CAPN12: variants seen among roughly 807,000 people sequenced by gnomAD.
CAPN12 encodes the protein calpain-12.
Under a neutral mutation model 95.0 loss-of-function variants are expected in CAPN12, and 107 were observed. The ratio of observed to expected loss-of-function variants is 1.13; its 90% CI spans 0.96 to 1.32. The LOEUF is 1.32. Among genes scored for constraint, CAPN12 ranks in the 40% most tolerant of loss-of-function variants. CAPN12 has a pLI of 0.00. For missense variants in CAPN12, 1,136 were observed against 997.8 expected (o/e 1.14, Z -1.87); for synonymous variants, 505 against 415.5 (o/e 1.22, Z -2.62).
chr19:38,736,830 C>T (rs1374745232), intron 10 of CAPN12: 15 of 589,718 alleles, frequency 2.5e-5, no homozygotes, highest in South Asian at 1.7e-4. Context: ...TGTCCCTAAC[C>T]TCGTCCCTCT....
chr19:38,734,193 G>T lies in CAPN12; in HGVS notation c.1827C>A (p.Ser609Arg). The T allele has an allele frequency of 6.2e-7, 1 of 1,613,000 alleles. No homozygotes were observed. Among genetic ancestry groups the T allele is most frequent in the Non-Finnish European group, 8.5e-7 (1 of 1,179,906 alleles). The change falls in exon 17 of 21, where the codon AGC (serine) becomes AGA (arginine). Residue 609 changes from serine to arginine, a missense_variant. Coordinates refer to ENST00000328867, the MANE Select transcript of CAPN12 (RefSeq NM_144691.4). ...QLLQCFGHGQSLALHHFQQLW... is the reference protein window; with the variant it reads ...QLLQCFGHGQRLALHHFQQLW... ...GCTGCTGGAAGTGGTGTAAGGCCAGGCTTTGCCCATGCTGTGTTGGGGGTC... is the reference window on the plus strand; with the variant it reads ...GCTGCTGGAAGTGGTGTAAGGCCAGTCTTTGCCCATGCTGTGTTGGGGGTC...
rs746027874 is a variant in CAPN12, at chr19:38,734,251, AGGG to A, written c.1816-50_1816-48del. ...TCTGGTTAAGGTCAATCTCTCCAGAAGGGGAGGAGAGACCCCAACGTCCCCTTC... is the reference window on the plus strand; with the variant it reads ...TCTGGTTAAGGTCAATCTCTCCAGAAGAGGAGAGACCCCAACGTCCCCTTC... On this transcript the variant is annotated intron_variant, in intron 16 of 20. Transcript: ENST00000328867. The A allele has an allele frequency of 1.9e-6, 3 of 1,608,592 alleles. No homozygotes were observed. In the Admixed American group the frequency reaches 5.0e-5, roughly 27 times the overall value.
rs756930163 is a variant in CAPN12 at position 38,733,784 on chromosome 19, G to A, written c.1879-3C>T. The A allele has an allele frequency of 1.1e-4, 173 of 1,612,412 alleles. No individual in the cohort carries two copies. Among genetic ancestry groups the A allele is most frequent in the Middle Eastern group, 1.7e-4 (1 of 6,058 alleles). On this transcript the variant is annotated splice_polypyrimidine_tract_variant and splice_region_variant and intron_variant, in intron 17 of 20. Coordinates refer to ENST00000328867, the MANE Select transcript of CAPN12 (RefSeq NM_144691.4). ...TCATCGAACTTGTTAAATATGGCCT[G>A]GGCAGGAAGGATGAGTCAGGGCTGC...
In CAPN12 at chr19:38,730,659, C is replaced by CTGT; in HGVS notation, c.*190_*192dup. On this transcript the variant is annotated 3_prime_UTR_variant, in exon 21 of 21. Transcript: ENST00000328867. ...GCTCGTGTCATCTGCTCGAGAAGGG[C>CTGT]TGTCGCTGTTCTTGTTTCTGAGTGA... 1 of 653,860 alleles carries CTGT rather than the reference C, an allele frequency of 1.5e-6. No homozygotes were observed. The highest frequency in any genetic ancestry group is 2.7e-6 in the Non-Finnish European group (1 of 372,976). The allele number at this position is 653,860 out of a possible 1,614,324, so 40.5% of individuals were successfully genotyped here.
chr19:38,743,778 C>T (rs1970727988), intron 1 of CAPN12, 151 bp downstream of exon 1: 1 of 717,564 alleles, frequency 1.4e-6, no homozygotes, highest in Admixed American at 2.8e-5. Context: ...CCAGCCCCTC[C>T]TCCCTCAGAC....
intron 5 of CAPN12, 61 bp downstream of exon 5, chr19:38,739,990 C>A (rs774038368): frequency 4.9e-5 from 72 of 1,467,066 alleles, no homozygotes; most frequent in Non-Finnish European, 5.7e-5. Flanking sequence ...CCCACCCCAC[C>A]ACACCCCTGA....
intron 7 of CAPN12, 35 bp downstream of exon 7, chr19:38,738,383 G>A (rs1383162291): frequency 1.9e-6 from 3 of 1,610,986 alleles, no homozygotes; most frequent in Non-Finnish European, 2.5e-6. Context: ...GGGCAGGTGG[G>A]GTCCAGCCCC....
At chr19:38,734,780 C>T (rs752908832) in intron 15 of CAPN12, 33 bp downstream of exon 15, 8 of 1,603,724 alleles carry the variant, frequency 5.0e-6, no homozygotes, top group African/African-American at 1.3e-5. Flanking sequence ...CTGGCTAAGA[C>T]CCCTCCTCCT....
intron 5 of CAPN12, 46 bp from the exon 6 acceptor site, chr19:38,738,694 G>A (rs777232669): frequency 1.3e-6 from 2 of 1,589,108 alleles, no homozygotes; most frequent in Non-Finnish European, 1.7e-6. Flanking sequence ...GGACAGGAGG[G>A]CAGCTGCTCC....
chr19:38,737,200 C>G lies in CAPN12; in HGVS notation c.1318G>C (p.Ala440Pro), dbSNP rs757833534. The G allele has an allele frequency of 1.4e-5, 21 of 1,549,594 alleles. No homozygotes were observed. In the African/African-American group the frequency reaches 1.4e-4, roughly 10 times the overall value. Residue 440 changes from alanine (A) to proline (P), a missense_variant, in exon 10 of 21, where the codon GCC (alanine) becomes CCC (proline). By Grantham distance (27) the Ala-to-Pro change is conservative. Coordinates refer to ENST00000328867, the MANE Select transcript of CAPN12 (RefSeq NM_144691.4). ...ACGGTGAGGTAAGTGAGGCCCTTGG[C>G]TCTCAGGCGCCGCCGGTTGCGCTGG... ...LIQRNRRRLRAKGLTYLTVGF... is the reference protein window; with the variant it reads ...LIQRNRRRLRPKGLTYLTVGF...
At chr19:38,740,312 G>A in intron 4 of CAPN12, 93 bp from the exon 5 acceptor site, 2 of 1,283,246 alleles carry the variant, frequency 1.6e-6, no homozygotes, top group East Asian at 2.6e-5. Flanking sequence ...GTCTCAGGGT[G>A]TGGAATCCCC....
Position 38,743,928 on chromosome 19 carries a change from C to T in CAPN12, c.237+1G>A. The T allele has an allele frequency of 6.2e-7, 1 of 1,613,800 alleles. No homozygotes were observed. The highest frequency in any genetic ancestry group is 8.5e-7 in the Non-Finnish European group (1 of 1,179,724). The stretch of plus-strand genomic sequence containing the variant: ...GAGCCCAGACCCCAGCCACACTTTA[C>T]ATGGGGCCTCATCCATTTCACGCCT... On this transcript the variant is annotated splice_donor_variant, in intron 1 of 20. Coordinates refer to ENST00000328867, the MANE Select transcript of CAPN12 (RefSeq NM_144691.4). LOFTEE classifies it high-confidence loss of function.
chr19:38,730,901 T>C, intron 20 of CAPN12, 23 bp from the exon 21 acceptor site: 3 of 1,551,086 alleles, frequency 1.9e-6, no homozygotes, highest in Non-Finnish European at 1.7e-6. Flanking sequence ...AGGAAGACAG[T>C]GGCTTGAGGC....
chr19:38,742,367 C>A, intron 3 of CAPN12, 43 bp downstream of exon 3: 1 of 1,366,070 alleles, frequency 7.3e-7, no homozygotes. Flanking sequence ...CACCAAGTCA[C>A]CATGGGGGAA....
intron 3 of CAPN12, chr19:38,742,205 A>G (rs572835618): frequency 1.6e-6 from 1 of 619,580 alleles, no homozygotes; most frequent in Non-Finnish European, 2.8e-6. Flanking sequence ...GGGTGCCTGT[A>G]ATCCCAGCTA....
At chr19:38,744,638 C>T (rs62120085), upstream of CAPN12, among the ~76,000 whole-genome samples, 13,041 of 152,188 alleles carry the variant, frequency 0.086, 612 homozygotes, top group South Asian at 0.13. Context: ...TGCAGTGGCA[C>T]GATCTCAGCT....
chr19:38,737,067 G>A (rs1443730859), intron 10 of CAPN12, 89 bp downstream of exon 10: 2 of 98,662 alleles, frequency 2.0e-5, no homozygotes, highest in South Asian at 1.1e-4. Flanking sequence ...CACTGGCCCC[G>A]CCCCTCCATG....
chr19:38,739,599 C>G (rs1197781920), intron 5 of CAPN12: 1 of 153,682 alleles, frequency 6.5e-6, no homozygotes, highest in African/African-American at 2.4e-5. Context: ...GGAGTTAGAC[C>G]AACTCAGTGA....
At chr19:38,737,743 T>C in intron 8 of CAPN12, 105 bp from the exon 9 acceptor site, 1 of 1,362,480 alleles carries the variant, frequency 7.3e-7, no homozygotes, top group African/African-American at 1.5e-5. Flanking sequence ...TCTTAAATAT[T>C]GTCAAATACC....
Sources: gnomAD v4.1 joint callset for allele counts (sites outside exome capture counted in the v4.1 genomes callset) on GRCh38, gnomAD v4.1.1 for gene constraint, MANE v1.5 for transcripts, NCBI Gene and HGNC (gene_info 2026-07-23, HGNC 2026-07-21) for gene names.